The following EGFLAM variants were observed in gnomAD, a reference collection of about 807,000 sequenced individuals.
The protein encoded by EGFLAM is pikachurin.
A neutral mutation model predicts 113.1 loss-of-function variants in EGFLAM; 79 were observed. That is an observed-to-expected ratio of 0.70 (90% confidence interval 0.58 to 0.84). EGFLAM has a LOEUF of 0.84. Ranked by LOEUF, EGFLAM falls within the 40% of genes least tolerant of loss-of-function variation. The pLI, the probability that EGFLAM is intolerant of heterozygous loss-of-function variation, is 0.00. For synonymous variants in EGFLAM, 504 were observed against 487.6 expected, an observed-to-expected ratio of 1.03 and a Z score of -0.44; for missense variants, 1,265 against 1,291.6, an observed-to-expected ratio of 0.98 and a Z score of 0.32.
chr5:38,341,781 G>T (rs966419573), intron 3 of EGFLAM, among the ~76,000 whole-genome samples: 1 of 152,148 alleles, frequency 6.6e-6, no homozygotes. Flanking sequence ...AGAAACTTCA[G>T]CACGATACCT....
chr5:38,302,177 C>A (rs1758596280), intron 1 of EGFLAM, among the ~76,000 whole-genome samples: 1 of 148,146 alleles, frequency 6.8e-6, no homozygotes, highest in Non-Finnish European at 1.5e-5. Context: ...GTAGAGATTG[C>A]AGTGAGCCGA....
intron 6 of EGFLAM, among the ~76,000 whole-genome samples, chr5:38,370,689 C>T (rs1431389050): frequency 2.0e-5 from 3 of 152,186 alleles, no homozygotes; most frequent in Non-Finnish European, 4.4e-5. Context: ...TTTGCATCAT[C>T]CTTGGGAAGT....
At chr5:38,279,863 T>C (rs192606516) in intron 1 of EGFLAM, among the ~76,000 whole-genome samples, 4 of 152,064 alleles carry the variant, frequency 2.6e-5, no homozygotes, top group African/African-American at 9.7e-5. Flanking sequence ...TAAGAGTAGA[T>C]GTTAAGTGGG....
At chr5:38,455,212 G>A (rs1378937161) in intron 19 of EGFLAM, among the ~76,000 whole-genome samples, 1 of 152,296 alleles carries the variant, frequency 6.6e-6, no homozygotes, top group African/African-American at 2.4e-5. Context: ...AAAGCAGGAA[G>A]GTGGCCGAGT....
intron 3 of EGFLAM, 50 bp from the exon 4 acceptor site, chr5:38,350,451 C>A: frequency 6.4e-7 from 1 of 1,558,474 alleles, no homozygotes; most frequent in South Asian, 1.1e-5. Context: ...TACAATTTGC[C>A]CAAACAGATG....
At chr5:38,304,166 G>C (rs1758667565) in intron 1 of EGFLAM, among the ~76,000 whole-genome samples, 1 of 151,314 alleles carries the variant, frequency 6.6e-6, no homozygotes, top group Non-Finnish European at 1.5e-5. Context: ...AGAATCTAAA[G>C]CTAGCATTAA....
chr5:38,304,023 G>A (rs1758662002), intron 1 of EGFLAM, among the ~76,000 whole-genome samples: 1 of 151,910 alleles, frequency 6.6e-6, no homozygotes, highest in South Asian at 2.1e-4. Context: ...CAGCTACTCA[G>A]GAGGCGGAGG....
intron 9 of EGFLAM, 52 bp downstream of exon 9, chr5:38,407,957 A>G: frequency 2.2e-6 from 3 of 1,380,094 alleles, no homozygotes; most frequent in Non-Finnish European, 3.1e-6. Flanking sequence ...TTAACACAGC[A>G]ATGTGCTACA....
Position 38,406,983 on chromosome 5 carries a change from A to G in EGFLAM, c.984A>G (p.Ile328Met), listed in dbSNP as rs1314699189. 1 of 1,614,134 alleles carries G rather than the reference A, an allele frequency of 6.2e-7. No homozygotes were observed. Among genetic ancestry groups the G allele is most frequent in the Non-Finnish European group, 8.5e-7 (1 of 1,180,002 alleles). ...VTTVAPQPIPIQRKGKNGVAI... is the reference protein window; with the variant it reads ...VTTVAPQPIPMQRKGKNGVAI... ...CGGTGGCTCCCCAGCCCATTCCCATACAGAGAAAGGGGAAGAATGGTGTGG... is the reference window on the plus strand; with the variant it reads ...CGGTGGCTCCCCAGCCCATTCCCATGCAGAGAAAGGGGAAGAATGGTGTGG... The change falls in exon 8 of 22, where the codon ATA (isoleucine) becomes ATG (methionine). Residue 328 changes from isoleucine to methionine, a missense_variant. Coordinates refer to ENST00000322350, the MANE Select transcript of EGFLAM (RefSeq NM_152403.4).
rs536665086 is a variant in EGFLAM, at chr5:38,264,074, A to T, written c.97+5223A>T. ...GACAGCCGTGGCATGTCTGGGAAGG[A>T]TTCCTGGGGTTAAAGACCGGTGCTC... On this transcript the variant is annotated intron_variant, in intron 1 of 21. Coordinates refer to ENST00000322350, the MANE Select transcript of EGFLAM (RefSeq NM_152403.4). 1.1e-4 allele frequency among the ~76,000 whole-genome samples: 17 copies of T among 152,272 alleles called. No individual in the cohort carries two copies. In the East Asian group the frequency reaches 2.5e-3, roughly 23 times the overall value.
chr5:38,445,832 C>A, intron 17 of EGFLAM: 2 of 1,005,774 alleles, frequency 2.0e-6, no homozygotes, highest in Non-Finnish European at 3.1e-6. Flanking sequence ...GAAGCCTCCC[C>A]GCCGGCCAGC....
intron 6 of EGFLAM, among the ~76,000 whole-genome samples, chr5:38,380,988 C>T (rs1006716560): frequency 1.3e-5 from 2 of 152,186 alleles, no homozygotes; most frequent in South Asian, 2.1e-4. Context: ...TCTGCTCAGT[C>T]GGTCGGCTGA....
chr5:38,462,401 T>C (rs1172801881), intron 20 of EGFLAM, among the ~76,000 whole-genome samples: 1 of 152,134 alleles, frequency 6.6e-6, no homozygotes, highest in Non-Finnish European at 1.5e-5. Flanking sequence ...CGGTTGACCG[T>C]TTGCTTGGGG....
chr5:38,332,026 A>G (rs957557730), intron 1 of EGFLAM, among the ~76,000 whole-genome samples: 5 of 152,114 alleles, frequency 3.3e-5, no homozygotes, highest in East Asian at 1.9e-4. Context: ...GGGCTGTACC[A>G]TTTTGCATTC....
At chr5:38,337,491 C>T in intron 1 of EGFLAM, 29 bp from the exon 2 acceptor site, 2 of 1,565,296 alleles carry the variant, frequency 1.3e-6, no homozygotes, top group Non-Finnish European at 8.7e-7. Flanking sequence ...TGTGGAGCCT[C>T]TAACACAATC....
chr5:38,292,386 C>T (rs958063994), intron 1 of EGFLAM, among the ~76,000 whole-genome samples: 2 of 152,176 alleles, frequency 1.3e-5, no homozygotes, highest in Non-Finnish European at 2.9e-5. Context: ...TTTGTCACTG[C>T]TGCTTAAATG....
At chr5:38,312,601 A>T (rs1738485977) in intron 1 of EGFLAM, among the ~76,000 whole-genome samples, 1 of 152,158 alleles carries the variant, frequency 6.6e-6, no homozygotes, top group African/African-American at 2.4e-5. Context: ...AATATATGGG[A>T]TCAGTTAAAA....
At chr5:38,328,723 G>GTTTTTTTTTTTTTTTTTTTTTGAAATTTT (rs1738955926) in intron 1 of EGFLAM, among the ~76,000 whole-genome samples, 1 of 103,026 alleles carries the variant, frequency 9.7e-6, no homozygotes, top group Admixed American at 1.1e-4. Context: ...AGCTATACTT[G>GTTTTTTTTTTTTTTTTTTTTTGAAATTTT]TTTTTTTTTT....
At chr5:38,428,303 G>C (rs1742081112) in intron 14 of EGFLAM, among the ~76,000 whole-genome samples, 1 of 152,196 alleles carries the variant, frequency 6.6e-6, no homozygotes, top group South Asian at 2.1e-4. Context: ...TTTCCTGGCT[G>C]ATAGAAAATG....
Sources: allele counts gnomAD v4.1 joint callset (sites outside exome capture counted in the v4.1 genomes callset), GRCh38; gene constraint gnomAD v4.1.1; transcripts MANE v1.5; gene names NCBI Gene and HGNC (gene_info 2026-07-23, HGNC 2026-07-21).